PRDM16: variants seen among roughly 807,000 people sequenced by gnomAD.
PRDM16 encodes PR/SET domain 16.
Under a neutral mutation model 110.6 loss-of-function variants are expected in PRDM16, and 23 were observed. The observed-to-expected ratio is 0.21, with a 90% CI of 0.15 to 0.29. The LOEUF (loss-of-function observed/expected upper bound fraction) is 0.29. PRDM16 is among the 10% of genes least tolerant of loss of function. PRDM16 has a pLI of 1.00. For synonymous variants in PRDM16, 799 were observed against 781.8 expected, an observed-to-expected ratio of 1.02 and a Z score of -0.37; for missense variants, 1,615 against 1,794.3, an observed-to-expected ratio of 0.90 and a Z score of 1.81.
chr1:3,200,228 C>T (rs962551501), intron 2 of PRDM16, among the ~76,000 whole-genome samples: 7 of 152,368 alleles, frequency 4.6e-5, no homozygotes, highest in South Asian at 2.1e-4. Context: ...GGGGGTCTGG[C>T]CTGCCGGCCG....
At position 3,265,571 on chromosome 1, in the gene PRDM16, G is replaced by A. The variant is rs563465749; in HGVS notation, c.438+21434G>A. Among the ~76,000 whole-genome samples the A allele has an allele frequency of 3.5e-4, 53 of 152,264 alleles. No individual in the cohort carries two copies. The highest frequency in any genetic ancestry group is 6.8e-4 in the Non-Finnish European group (46 of 67,998). On this transcript the variant is annotated intron_variant, in intron 3 of 16. Transcript: ENST00000270722. This position sits in a 1 kb window ranked among gnomAD's most constrained non-coding sequence, Gnocchi z 4.5. ...CCATCCGAGGTTCATGGGAAGAGGA[G>A]AAGGGGTCGTCCTGGTGGGAGAGGG...
chr1:3,201,162 G>C lies in PRDM16; in HGVS notation c.387+14688G>C, dbSNP rs1213312224. Among the ~76,000 whole-genome samples, 3 of 152,114 alleles carry C rather than the reference G, an allele frequency of 2.0e-5. No individual in the cohort carries two copies. Among genetic ancestry groups the C allele is most frequent in the Non-Finnish European group, 2.9e-5 (2 of 68,030 alleles). ...AGACCACGCTGCCTTCTTTTGAGGA[G>C]GACAGGGATGGAAAAAGGGGTCTGG... On this transcript the variant is annotated intron_variant, in intron 2 of 16. Coordinates refer to ENST00000270722, the MANE Select transcript of PRDM16 (RefSeq NM_022114.4). The surrounding 1 kb of genome is among the most constrained non-coding windows in gnomAD (Gnocchi z 4.1).
chr1:3,410,290 C>T (rs897656666), intron 8 of PRDM16, among the ~76,000 whole-genome samples: 1 of 152,130 alleles, frequency 6.6e-6, no homozygotes, highest in Non-Finnish European at 1.5e-5. Flanking sequence ...AACCCCCAGG[C>T]CGCTGGGTCC....
chr1:3,344,385 T>C (rs901686973), intron 3 of PRDM16, among the ~76,000 whole-genome samples: 4 of 152,232 alleles, frequency 2.6e-5, no homozygotes, highest in Non-Finnish European at 5.9e-5. Context: ...AATTTTCTTT[T>C]GGTTTTTAAT....
chr1:3,431,246 C>T, intron 15 of PRDM16, 138 bp downstream of exon 15: 1 of 1,379,856 alleles, frequency 7.2e-7, no homozygotes, highest in Non-Finnish European at 9.7e-7. Flanking sequence ...TCAGGGCCTC[C>T]ACACACAGGC....
Position 3,181,675 on chromosome 1 carries a change from C to T in PRDM16, c.38-4450C>T, listed in dbSNP as rs1034789563. On this transcript the variant is annotated intron_variant, in intron 1 of 16. Transcript: ENST00000270722. ...ACACACGGTCTTACACAGTCTTACA[C>T]GCGCAGTCTTACACACGGTCTTACA... is the stretch of plus-strand genomic sequence containing the variant. Among the ~76,000 whole-genome samples, 213 of 140,518 alleles carry T rather than the reference C, an allele frequency of 1.5e-3. 3 individuals are homozygous for T. Among genetic ancestry groups the T allele is most frequent in the African/African-American group, 5.3e-3 (193 of 36,542 alleles). 92.2% of individuals were successfully genotyped at this position (140,518 alleles called of 152,430 possible).
At chr1:3,141,382 G>C (rs187940311) in intron 1 of PRDM16, among the ~76,000 whole-genome samples, 3 of 152,236 alleles carry the variant, frequency 2.0e-5, no homozygotes, top group African/African-American at 7.2e-5. Flanking sequence ...GAGGAGGGAC[G>C]GGGGAGCCGG....
intron 14 of PRDM16, among the ~76,000 whole-genome samples, chr1:3,427,500 C>T (rs1030104366): frequency 6.6e-6 from 1 of 152,152 alleles, no homozygotes; most frequent in African/African-American, 2.4e-5. Flanking sequence ...GAAGAAGCCC[C>T]CTGAGACCCC....
intron 2 of PRDM16, among the ~76,000 whole-genome samples, chr1:3,211,076 C>T (rs576502765): frequency 1.3e-5 from 2 of 152,330 alleles, no homozygotes; most frequent in East Asian, 3.9e-4. Context: ...CACGTGTATA[C>T]ATTTGCTGAT....
intron 2 of PRDM16, among the ~76,000 whole-genome samples, chr1:3,218,975 C>T (rs933929369): frequency 1.3e-5 from 2 of 152,256 alleles, no homozygotes; most frequent in African/African-American, 4.8e-5. Flanking sequence ...AGTTCACAGC[C>T]TGGGGCCCAG....
At chr1:3,418,798 G>A (rs118065753) in intron 12 of PRDM16, 54 bp downstream of exon 12, 25,255 of 1,326,416 alleles carry the variant, frequency 0.019, 392 homozygotes, top group South Asian at 0.056. Context: ...TCCGTGCACC[G>A]CTGACCCACT....
chr1:3,171,310 G>A (rs1030573548), intron 1 of PRDM16, among the ~76,000 whole-genome samples: 17 of 152,198 alleles, frequency 1.1e-4, no homozygotes, highest in African/African-American at 3.4e-4. Context: ...CCTCCTCCTC[G>A]CTGTCCGGGC....
chr1:3,386,483 T>C (rs1643201414), intron 4 of PRDM16, among the ~76,000 whole-genome samples: 1 of 152,218 alleles, frequency 6.6e-6, no homozygotes, highest in East Asian at 1.9e-4. Flanking sequence ...CATCGAGCAG[T>C]TGCTCCGCTG....
intron 3 of PRDM16, among the ~76,000 whole-genome samples, chr1:3,349,860 C>CT: frequency 6.6e-6 from 1 of 152,316 alleles, no homozygotes; most frequent in Non-Finnish European, 1.5e-5. Context: ...CCGCAGCCCC[C>CT]GCAGCCTCCA....
intron 2 of PRDM16, among the ~76,000 whole-genome samples, chr1:3,242,201 C>T (rs1245368226): frequency 6.6e-6 from 1 of 152,180 alleles, no homozygotes; most frequent in Non-Finnish European, 1.5e-5. Context: ...AGGGCCCTCT[C>T]GCTGGTGGTG....
intron 1 of PRDM16, among the ~76,000 whole-genome samples, chr1:3,121,444 T>G (rs962667144): frequency 6.6e-6 from 1 of 152,186 alleles, no homozygotes; most frequent in African/African-American, 2.4e-5. Flanking sequence ...CAGCTCCTGA[T>G]GAAAACAAAA....
At chr1:3,306,445 G>A (rs1641314800) in intron 3 of PRDM16, among the ~76,000 whole-genome samples, 1 of 152,210 alleles carries the variant, frequency 6.6e-6, no homozygotes, top group Admixed American at 6.5e-5. Context: ...AAGAACTCAG[G>A]TGCTGACAGG....
At chr1:3,325,652 G>A (rs1361030135) in intron 3 of PRDM16, among the ~76,000 whole-genome samples, 2 of 152,220 alleles carry the variant, frequency 1.3e-5, no homozygotes, top group East Asian at 3.8e-4. Context: ...CTGAGATCCA[G>A]GGGAGGTCAG....
At chr1:3,180,854 T>C (rs1268310503) in intron 1 of PRDM16, among the ~76,000 whole-genome samples, 1 of 148,850 alleles carries the variant, frequency 6.7e-6, no homozygotes, top group African/African-American at 2.5e-5. Flanking sequence ...ACACACGCAG[T>C]CTTACGCACG....
Sources: gnomAD v4.1 joint callset for allele counts (sites outside exome capture counted in the v4.1 genomes callset) on GRCh38, gnomAD v4.1.1 for gene constraint, Gnocchi (gnomAD v3.1) non-coding constraint, MANE v1.5 for transcripts, NCBI Gene and HGNC (gene_info 2026-07-23, HGNC 2026-07-21) for gene names.